Variants in EMC3 observed in about 807,000 individuals in gnomAD.
EMC3 encodes ER membrane protein complex subunit 3, also known as 30 kDa protein.
A neutral mutation model predicts 36.6 loss-of-function variants in EMC3; 13 were observed. The observed-to-expected ratio is 0.35, with a 90% CI of 0.23 to 0.56. The LOEUF is 0.56. EMC3 is among the 20% of genes least tolerant of loss of function. The pLI is 0.84. For synonymous variants in EMC3, 120 were observed against 111.9 expected, an observed-to-expected ratio of 1.07 and a Z score of -0.46; for missense variants, 220 against 324.5, an observed-to-expected ratio of 0.68 and a Z score of 2.47.
intron 5 of EMC3, 33 bp from the exon 6 acceptor site, chr3:9,970,694 T>TAA (rs1233235164): frequency 1.6e-5 from 26 of 1,609,374 alleles, no homozygotes; most frequent in Non-Finnish European, 2.2e-5. Context: ...GTGTGGTTAG[T>TAA]TATTATATCA....
At chr3:9,967,931 CTTT>C (rs774092576) in intron 7 of EMC3, among the ~76,000 whole-genome samples, 4 of 151,654 alleles carry the variant, frequency 2.6e-5, no homozygotes, top group Non-Finnish European at 4.4e-5. Flanking sequence ...AAGGCCATTT[CTTT>C]TTTTTTGAGA....
upstream of EMC3, among the ~76,000 whole-genome samples, chr3:9,991,253 C>A (rs1197694313): frequency 1.3e-5 from 2 of 152,036 alleles, no homozygotes; most frequent in African/African-American, 4.8e-5. Context: ...TGAGCCACTG[C>A]ACCCAGCCCT....
rs754958775 is a variant in EMC3 at position 10,007,334 on chromosome 3, C to T, written c.-242+3689G>A. The T allele has an allele frequency of 9.8e-6, 13 of 1,329,380 alleles. No individual in the cohort carries two copies. In the South Asian group the frequency reaches 1.3e-4, roughly 14 times the overall value. The allele number at this position is 1,329,380 out of a possible 1,614,324, so 82.3% of individuals were successfully genotyped here. A position where few individuals can be genotyped will look rare whatever the true frequency, so the allele number is the denominator to read the frequency against. On this transcript the variant is annotated intron_variant, in intron 1 of 8. Coordinates refer to the EMC3 transcript ENST00000470827. Reference sequence around the variant, plus strand: ...CAGCAGCCCCTTCAGGTCCCGTCTGCCTGTGTCAATCATGCTGAGAGGTCC... The same window carrying T: ...CAGCAGCCCCTTCAGGTCCCGTCTGTCTGTGTCAATCATGCTGAGAGGTCC...
rs140712391 is a variant in EMC3 at position 9,996,064 on chromosome 3, C to T, written c.-241-9162G>A. ...GTGGTCAGCTAACCATGAAACTGTT[C>T]AGGTTCTGAGTGCAGTGGGGACACA... is the stretch of plus-strand genomic sequence containing the variant. On this transcript the variant is annotated intron_variant, in intron 1 of 8. Transcript: ENST00000470827. Among the ~76,000 whole-genome samples the T allele has an allele frequency of 1.6e-3, 246 of 152,272 alleles. 4 individuals carry two copies. Among genetic ancestry groups the T allele is most frequent in the South Asian group, 0.011 (52 of 4,824 alleles).
intron 1 of EMC3, among the ~76,000 whole-genome samples, chr3:10,002,467 A>G (rs2086215555): frequency 6.6e-6 from 1 of 151,808 alleles, no homozygotes. Flanking sequence ...TGTATTTTCT[A>G]TAGAGATGAG....
At chr3:9,986,057 C>T (rs1329983100) in intron 1 of EMC3, among the ~76,000 whole-genome samples, 14 of 152,136 alleles carry the variant, frequency 9.2e-5, no homozygotes, top group Admixed American at 8.5e-4. Flanking sequence ...AGCTGACAGT[C>T]CCACCAGGCC....
intron 1 of EMC3, among the ~76,000 whole-genome samples, chr3:9,983,984 TA>T (rs1376419102): frequency 6.6e-6 from 1 of 152,178 alleles, no homozygotes; most frequent in Admixed American, 6.5e-5. Flanking sequence ...AATGTAAGGC[TA>T]AAATAAGAAA....
intron 7 of EMC3, among the ~76,000 whole-genome samples, chr3:9,965,065 G>A (rs1411453279): frequency 4.7e-5 from 7 of 150,262 alleles, no homozygotes; most frequent in South Asian, 2.1e-4. Context: ...ATCTTTAGAT[G>A]AGCCTAGAGA....
intron 1 of EMC3, chr3:10,001,035 C>T: frequency 4.2e-6 from 1 of 240,164 alleles, no homozygotes; most frequent in South Asian, 5.3e-5. Context: ...GTTGTTGTTG[C>T]TTGTCCTTTT....
intron 1 of EMC3, among the ~76,000 whole-genome samples, chr3:9,998,366 A>AATAATAAT (rs1553604406): frequency 4.4e-5 from 6 of 137,394 alleles, no homozygotes; most frequent in South Asian, 2.4e-4. Flanking sequence ...ACTCTGTCTC[A>AATAATAAT]AATAATAATA....
chr3:9,987,074 G>T (rs966306494), upstream of EMC3: 5 of 886,438 alleles, frequency 5.6e-6, no homozygotes, highest in Middle Eastern at 5.8e-4. Context: ...AATTAGCCAG[G>T]CGTGGTGGAG....
chr3:9,987,930 T>G, upstream of EMC3: 1 of 1,029,966 alleles, frequency 9.7e-7, no homozygotes, highest in Non-Finnish European at 1.5e-6. Context: ...TCGGGAGAAG[T>G]TGGATCCTGC....
chr3:9,999,746 T>C (rs1406159384), intron 1 of EMC3, among the ~76,000 whole-genome samples: 3 of 152,274 alleles, frequency 2.0e-5, no homozygotes, highest in Admixed American at 6.5e-5. Context: ...TGAGTTAGAG[T>C]GTAAAGAATT....
At chr3:9,988,024 T>C, upstream of EMC3, 3 of 780,596 alleles carry the variant, frequency 3.8e-6, no homozygotes, top group Non-Finnish European at 6.8e-6. Context: ...AGCTCATGGA[T>C]AATTGCCACC....
intron 3 of EMC3, among the ~76,000 whole-genome samples, chr3:9,976,248 G>C (rs1025033172): frequency 6.6e-6 from 1 of 152,068 alleles, no homozygotes; most frequent in Admixed American, 6.5e-5. Context: ...TGGGACTACA[G>C]GCACCCACCA....
At chr3:9,972,338 C>T (rs1021785093) in intron 5 of EMC3, among the ~76,000 whole-genome samples, 3 of 151,900 alleles carry the variant, frequency 2.0e-5, no homozygotes, top group African/African-American at 7.3e-5. Flanking sequence ...GGGGTTGATA[C>T]ATCCACCCCT....
chr3:9,967,643 G>A (rs73120321), intron 7 of EMC3, among the ~76,000 whole-genome samples: 7,284 of 152,152 alleles, frequency 0.048, 576 homozygotes, highest in African/African-American at 0.17. Context: ...TTAAAACCAC[G>A]GCGTGTAAGT....
rs13082369 is a variant in EMC3, at chr3:9,964,009, C to G, written c.*60G>C. ...TATTTCAAGAGGTGCCAGCTCCAAACAAAGTTACAAGGTTAAGTGCAACTC... is the reference window on the plus strand; with the variant it reads ...TATTTCAAGAGGTGCCAGCTCCAAAGAAAGTTACAAGGTTAAGTGCAACTC... On this transcript the variant is annotated 3_prime_UTR_variant, in exon 8 of 8. Coordinates refer to ENST00000245046, the MANE Select transcript of EMC3 (RefSeq NM_001394674.1). 0.017 allele frequency: 26,345 copies of G among 1,592,788 alleles called. 324 individuals are homozygous for G. Among genetic ancestry groups the G allele is most frequent in the Non-Finnish European group, 0.017 (20,439 of 1,168,830 alleles).
chr3:9,994,768 C>T (rs1236168390), intron 1 of EMC3, among the ~76,000 whole-genome samples: 3 of 152,034 alleles, frequency 2.0e-5, no homozygotes, highest in Non-Finnish European at 2.9e-5. Context: ...GACAGGGTTT[C>T]ACCATGTTGG....
Sources: gnomAD v4.1 joint callset for allele counts (sites outside exome capture counted in the v4.1 genomes callset) on GRCh38, gnomAD v4.1.1 for gene constraint, MANE v1.5 for transcripts, NCBI Gene and HGNC (gene_info 2026-07-23, HGNC 2026-07-21) for gene names.